The following PAPSS1 variants were observed in gnomAD, a reference collection of about 807,000 sequenced individuals.
The protein encoded by PAPSS1 is bifunctional 3'-phosphoadenosine 5'-phosphosulfate synthase 1.
PAPSS1 carries 50 observed loss-of-function variants against 72.0 expected under a neutral mutation model. That is an observed-to-expected ratio of 0.69 (90% CI 0.55 to 0.88). The LOEUF is 0.88. Among genes scored for constraint, PAPSS1 ranks in the 40% least tolerant of loss-of-function variants. The pLI is 0.00. For synonymous variants in PAPSS1, 261 were observed against 263.6 expected, an observed-to-expected ratio of 0.99 and a Z score of 0.09; for missense variants, 657 against 782.2, an observed-to-expected ratio of 0.84 and a Z score of 1.91.
At chr4:107,682,662 T>C (rs899179058) in intron 4 of PAPSS1, among the ~76,000 whole-genome samples, 5 of 152,214 alleles carry the variant, frequency 3.3e-5, no homozygotes, top group South Asian at 4.1e-4. Flanking sequence ...TGTGAAGATA[T>C]ATGGAATTAA....
intron 1 of PAPSS1, among the ~76,000 whole-genome samples, chr4:107,716,934 A>G (rs903909971): frequency 6.6e-6 from 1 of 152,124 alleles, no homozygotes; most frequent in Non-Finnish European, 1.5e-5. Flanking sequence ...TTGGTCTCAC[A>G]TTTACTTTCC....
intron 11 of PAPSS1, among the ~76,000 whole-genome samples, chr4:107,630,474 C>G (rs1208705993): frequency 6.6e-6 from 1 of 152,162 alleles, no homozygotes; most frequent in Non-Finnish European, 1.5e-5. Context: ...CCACTTTGTT[C>G]TCTTTCCTGT....
chr4:107,655,731 T>C (rs1726988698), intron 7 of PAPSS1, among the ~76,000 whole-genome samples: 3 of 152,186 alleles, frequency 2.0e-5, no homozygotes, highest in Admixed American at 6.5e-5. Context: ...GCTTTTTAAA[T>C]TACTACCACT....
At chr4:107,711,746 G>T (rs1723501905) in intron 1 of PAPSS1, among the ~76,000 whole-genome samples, 1 of 152,162 alleles carries the variant, frequency 6.6e-6, no homozygotes. Context: ...ACAATGAAAA[G>T]AAATCTTTAG....
chr4:107,650,005 C>T (rs1482150743), intron 9 of PAPSS1, among the ~76,000 whole-genome samples: 1 of 152,188 alleles, frequency 6.6e-6, no homozygotes, highest in Non-Finnish European at 1.5e-5. Context: ...CAATCCTTCC[C>T]AGCTACAGAA....
Position 107,644,833 on chromosome 4 carries a change from G to A in PAPSS1, c.1475C>T (p.Pro492Leu), listed in dbSNP as rs745947047. The A allele has an allele frequency of 7.4e-6, 12 of 1,613,262 alleles. No homozygotes were observed. The highest frequency in any genetic ancestry group is 1.0e-5 in the Non-Finnish European group (12 of 1,179,804). The change falls in exon 10 of 12, where the codon CCA becomes CTA. Residue 492 changes from proline to leucine, a missense_variant. Pro to Leu is a moderately conservative substitution (Grantham distance 98). Around this residue, in one of 7 missense-constraint regions of PAPSS1, gnomAD observed 166 missense variants for 228.3 expected, o/e 0.73. Transcript: ENST00000265174. ...TGGTCCAGCATACATCATGGGAGAT[G>A]GGAAGATGGCCACCACTGTCGTCTC... ...NPETTVVAIF[P>L]SPMMYAGPTE... is the part of the protein sequence containing the mutation.
chr4:107,665,022 T>C (rs1476837795), intron 5 of PAPSS1, among the ~76,000 whole-genome samples: 1 of 152,232 alleles, frequency 6.6e-6, no homozygotes, highest in Non-Finnish European at 1.5e-5. Flanking sequence ...TTCTGATACC[T>C]AACCAATGCC....
chr4:107,617,142 G>A (rs1725844708), intron 11 of PAPSS1, among the ~76,000 whole-genome samples: 2 of 150,208 alleles, frequency 1.3e-5, no homozygotes, highest in African/African-American at 4.9e-5. Flanking sequence ...GGTTTCCTCT[G>A]TTTGATGTTT....
intron 10 of PAPSS1, 46 bp downstream of exon 10, chr4:107,644,756 G>A (rs1292043092): frequency 6.5e-7 from 1 of 1,541,948 alleles, no homozygotes; most frequent in Non-Finnish European, 8.7e-7. Flanking sequence ...GTGTTAGTAA[G>A]AGTGGCTTTA....
At chr4:107,619,767 C>T (rs1326858393) in intron 11 of PAPSS1, among the ~76,000 whole-genome samples, 1 of 152,144 alleles carries the variant, frequency 6.6e-6, no homozygotes, top group Non-Finnish European at 1.5e-5. Flanking sequence ...AAAAGAAATA[C>T]AAGTATGTTT....
chr4:107,692,801 G>A (rs1360163738), intron 3 of PAPSS1, among the ~76,000 whole-genome samples: 1 of 147,462 alleles, frequency 6.8e-6, no homozygotes. Flanking sequence ...TATATATCAT[G>A]GAATACTATG....
intron 9 of PAPSS1, among the ~76,000 whole-genome samples, chr4:107,651,638 C>G (rs1726842076): frequency 6.6e-6 from 1 of 152,086 alleles, no homozygotes; most frequent in African/African-American, 2.4e-5. Context: ...CTTATAAAAC[C>G]ATCACACCTT....
At chr4:107,719,952 C>G in intron 1 of PAPSS1, 168 bp downstream of exon 1, 1 of 1,398,976 alleles carries the variant, frequency 7.1e-7, no homozygotes, top group Non-Finnish European at 9.2e-7. Context: ...GCCCCTCTGC[C>G]TCGCAACCAC....
At chr4:107,638,357 C>T (rs1726442707) in intron 10 of PAPSS1, among the ~76,000 whole-genome samples, 1 of 152,118 alleles carries the variant, frequency 6.6e-6, no homozygotes, top group African/African-American at 2.4e-5. Context: ...ATATGAGGCC[C>T]AATACAAGAT....
intron 3 of PAPSS1, among the ~76,000 whole-genome samples, chr4:107,692,160 A>C (rs917272804): frequency 4.6e-5 from 7 of 152,218 alleles, no homozygotes; most frequent in Admixed American, 1.3e-4. Flanking sequence ...AAAACATCAA[A>C]AGTAATTGCA....
At chr4:107,699,748 G>A (rs1297055750) in intron 2 of PAPSS1, among the ~76,000 whole-genome samples, 1 of 152,166 alleles carries the variant, frequency 6.6e-6, no homozygotes, top group African/African-American at 2.4e-5. Flanking sequence ...TTTAATGCCA[G>A]AAGACAATAG....
intron 5 of PAPSS1, among the ~76,000 whole-genome samples, chr4:107,676,869 G>A (rs1437649168): frequency 6.6e-6 from 1 of 151,966 alleles, no homozygotes; most frequent in Non-Finnish European, 1.5e-5. Flanking sequence ...AGAGCCCTCA[G>A]AAATAATGCC....
intron 4 of PAPSS1, among the ~76,000 whole-genome samples, chr4:107,684,866 G>A (rs765768193): frequency 5.9e-5 from 9 of 152,072 alleles, no homozygotes; most frequent in Admixed American, 1.3e-4. Context: ...GCTGTGTCAC[G>A]GGCCATGGTC....
chr4:107,655,042 A>G, intron 7 of PAPSS1, 142 bp from the exon 8 acceptor site: 1 of 588,096 alleles, frequency 1.7e-6, no homozygotes, highest in Non-Finnish European at 2.9e-6. Context: ...GGTACCTGGC[A>G]CAGAAAAACG....
Sources: allele counts gnomAD v4.1 joint callset (sites outside exome capture counted in the v4.1 genomes callset), GRCh38; gene constraint gnomAD v4.1.1; regional missense constraint gnomAD v4.1.1; transcripts MANE v1.5; gene names NCBI Gene and HGNC (gene_info 2026-07-23, HGNC 2026-07-21).